UBR2: variants seen among roughly 807,000 people sequenced by gnomAD.
The protein encoded by UBR2 is E3 ubiquitin-protein ligase UBR2.
A neutral mutation model predicts 247.9 loss-of-function variants in UBR2; 92 were observed. That is an observed-to-expected ratio of 0.37 (90% CI 0.31 to 0.44). The LOEUF (loss-of-function observed/expected upper bound fraction) is 0.44. UBR2 is among the 20% of genes least tolerant of loss of function. The pLI is 1.00. For missense variants in UBR2, 1,613 were observed against 2,112.6 expected, an observed-to-expected ratio of 0.76 and a Z score of 4.64; for synonymous variants, 672 against 693.5, an observed-to-expected ratio of 0.97 and a Z score of 0.49.
At chr6:42,621,209 AGAAGTAAGGTCTT>A (rs1429232586) in intron 11 of UBR2, among the ~76,000 whole-genome samples, 1 of 152,170 alleles carries the variant, frequency 6.6e-6, no homozygotes, top group Non-Finnish European at 1.5e-5. Context: ...TGTGTATCTA[AGAAGTAAGGTCTT>A]GATTTTTCCC....
chr6:42,620,507 T>G (rs1794920254), intron 11 of UBR2, among the ~76,000 whole-genome samples: 2 of 84,600 alleles, frequency 2.4e-5, no homozygotes, highest in African/African-American at 3.5e-5. Flanking sequence ...TTTGTTTTTG[T>G]TTTTTTTTAA....
At position 42,659,909 on chromosome 6, in the gene UBR2, G is replaced by A; in HGVS notation, c.3442+54G>A. ...CTTTTAATAACAACTGCCAGTTAATGTGGTTGGTGATACGTTGAGATTTTT... is the reference window on the plus strand; with the variant it reads ...CTTTTAATAACAACTGCCAGTTAATATGGTTGGTGATACGTTGAGATTTTT... On this transcript the variant is annotated intron_variant, in intron 30 of 46. Coordinates refer to ENST00000372901, the MANE Select transcript of UBR2 (RefSeq NM_001363705.2). This position sits in a 1 kb window ranked among gnomAD's most constrained non-coding sequence, Gnocchi z 4.3. 1 of 1,554,482 alleles carries A rather than the reference G, an allele frequency of 6.4e-7. No homozygotes were observed. The highest frequency in any genetic ancestry group is 8.8e-7 in the Non-Finnish European group (1 of 1,130,088).
At chr6:42,579,129 C>T (rs976664970) in intron 2 of UBR2, among the ~76,000 whole-genome samples, 15 of 152,166 alleles carry the variant, frequency 9.9e-5, no homozygotes, top group Non-Finnish European at 1.5e-5. Context: ...GCTCACAGTT[C>T]TGCAAGACTG....
chr6:42,678,743 C>CA, intron 41 of UBR2, 74 bp downstream of exon 41: 1 of 1,502,512 alleles, frequency 6.7e-7, no homozygotes, highest in Admixed American at 2.2e-5. Flanking sequence ...AGATCACTTG[C>CA]AAAAATGAAA....
rs145491315 is a variant in UBR2 at position 42,569,654 on chromosome 6, C to G, written c.79-4080C>G. Among the ~76,000 whole-genome samples, 69 of 152,200 alleles carry G rather than the reference C, an allele frequency of 4.5e-4. No individual in the cohort carries two copies. In the East Asian group the frequency reaches 0.013, roughly 28 times the overall value. ...TATGATTAACTTACATGTTGCTTAT[C>G]CTTGTTTGAAAGCAAAACCAAAAGT... On this transcript the variant is annotated intron_variant, in intron 1 of 46. Transcript: ENST00000372901.
chr6:42,632,631 C>T lies in UBR2; in HGVS notation c.1361C>T (p.Ala454Val). 1 of 1,613,458 alleles carries T rather than the reference C, an allele frequency of 6.2e-7. No homozygotes were observed. The highest frequency in any genetic ancestry group is 8.5e-7 in the Non-Finnish European group (1 of 1,179,716). ...ATGGATCATTTGAGACATCGAGATG[C>T]CCAGGGCAGATTTCAGTTTGAACGA... ...TFMDHLRHRD[A>V]QGRFQFERYT... Residue 454 changes from alanine (A) to valine (V), a missense_variant, in exon 12 of 47, where the codon GCC becomes GTC. This residue lies in a region of UBR2 where 1,524 missense variants were observed against 1,967.3 expected (regional missense o/e 0.77). Coordinates refer to ENST00000372901, the MANE Select transcript of UBR2 (RefSeq NM_001363705.2).
intron 42 of UBR2, among the ~76,000 whole-genome samples, chr6:42,681,966 C>T (rs1258186263): frequency 2.0e-5 from 3 of 152,148 alleles, no homozygotes; most frequent in African/African-American, 7.2e-5. Flanking sequence ...CCCAGCTACT[C>T]GGGAGGCTGA....
chr6:42,567,799 G>T (rs865804908), intron 1 of UBR2, among the ~76,000 whole-genome samples: 7 of 152,310 alleles, frequency 4.6e-5, no homozygotes, highest in African/African-American at 1.4e-4. Context: ...TATTTGGGAG[G>T]CTGAGGTGGG....
At position 42,658,722 on chromosome 6, in the gene UBR2, C is replaced by T; in HGVS notation, c.3140C>T (p.Ala1047Val). ...IARLRREKIM[A>V]QMSEMQRHFI... ...AGACTGCGCAGAGAAAAGATCATGG[C>T]TCAGATGTCTGAAATGCAGCGGCAT... The change falls in exon 29 of 47, where the codon GCT becomes GTT. Residue 1047 changes from alanine (A) to valine (V), a missense_variant. Physicochemically the swap from Ala to Val is moderately conservative, Grantham distance 64. Coordinates refer to ENST00000372901, the MANE Select transcript of UBR2 (RefSeq NM_001363705.2). The T allele has an allele frequency of 6.2e-7, 1 of 1,613,102 alleles. No individual in the cohort carries two copies.
At chr6:42,588,244 A>C (rs140265213) in intron 2 of UBR2, among the ~76,000 whole-genome samples, 1 of 152,362 alleles carries the variant, frequency 6.6e-6, no homozygotes, top group East Asian at 1.9e-4. Flanking sequence ...AGCCAGATGG[A>C]AGAGACTTAA....
intron 43 of UBR2, among the ~76,000 whole-genome samples, 177 bp from the exon 44 acceptor site, chr6:42,684,617 C>T (rs1799264608): frequency 6.6e-6 from 1 of 151,088 alleles, no homozygotes; most frequent in Non-Finnish European, 1.5e-5. Flanking sequence ...AAAAAAAAAA[C>T]TGTCTAAAAT....
intron 16 of UBR2, 92 bp from the exon 17 acceptor site, chr6:42,641,490 G>C: frequency 2.5e-6 from 2 of 801,534 alleles, no homozygotes; most frequent in Non-Finnish European, 3.9e-6. Flanking sequence ...TTTTATAAAA[G>C]CATTTATCTC....
intron 8 of UBR2, among the ~76,000 whole-genome samples, chr6:42,614,011 T>C (rs1350853824): frequency 1.1e-4 from 17 of 150,862 alleles, no homozygotes; most frequent in Non-Finnish European, 2.5e-4. Context: ...ACCCCGTCTG[T>C]ACTAAAAATA....
intron 26 of UBR2, among the ~76,000 whole-genome samples, chr6:42,657,314 A>G (rs1797500506): frequency 6.6e-6 from 1 of 151,680 alleles, no homozygotes; most frequent in African/African-American, 2.4e-5. Context: ...CCTCAACATT[A>G]CTCTTAACTT....
At chr6:42,615,419 C>G (rs975629292) in intron 9 of UBR2, among the ~76,000 whole-genome samples, 4 of 152,076 alleles carry the variant, frequency 2.6e-5, no homozygotes, top group African/African-American at 7.2e-5. Context: ...AAACAAATTG[C>G]AAATATTTTG....
intron 38 of UBR2, among the ~76,000 whole-genome samples, chr6:42,675,055 C>G (rs1008380398): frequency 3.0e-4 from 45 of 152,204 alleles, no homozygotes; most frequent in Admixed American, 9.2e-4. Context: ...TTCTCTGGAC[C>G]TCAGATTCTG....
intron 5 of UBR2, among the ~76,000 whole-genome samples, chr6:42,604,096 G>T (rs536687174): frequency 5.7e-4 from 86 of 152,164 alleles, no homozygotes; most frequent in Non-Finnish European, 1.1e-3. Context: ...TGAGGTTTCT[G>T]GTTTGAATAC....
chr6:42,642,418 T>A lies in UBR2; in HGVS notation c.2034T>A (p.Ile678=). The change falls in exon 18 of 47, where the codon ATT becomes ATA. Residue 678 remains isoleucine, a splice_region_variant and synonymous_variant. Transcript: ENST00000372901. ...AATATAATTACTTTTTTTTTTAGAT[T>A]TATTACTACCATAATGTGAAATGCA... ...RRNGFSLVNQ[I]YYYHNVKCRR... is the part of the protein sequence containing the mutation. 1 of 1,600,174 alleles carries A rather than the reference T, an allele frequency of 6.2e-7. No homozygotes were observed. The highest frequency in any genetic ancestry group is 8.5e-7 in the Non-Finnish European group (1 of 1,170,460).
intron 2 of UBR2, among the ~76,000 whole-genome samples, chr6:42,574,373 C>G (rs538750778): frequency 6.6e-6 from 1 of 152,236 alleles, no homozygotes; most frequent in African/African-American, 2.4e-5. Flanking sequence ...TTTTCACATG[C>G]CTTCATTAGT....
Sources: gnomAD v4.1 joint callset for allele counts (sites outside exome capture counted in the v4.1 genomes callset) on GRCh38, gnomAD v4.1.1 for gene constraint, gnomAD v4.1.1 regional missense constraint, Gnocchi (gnomAD v3.1) non-coding constraint, MANE v1.5 for transcripts, NCBI Gene and HGNC (gene_info 2026-07-23, HGNC 2026-07-21) for gene names.